PLCG2: variants seen among roughly 807,000 people sequenced by gnomAD.
PLCG2 encodes 1-phosphatidylinositol 4,5-bisphosphate phosphodiesterase gamma-2.
In PLCG2, 69 loss-of-function variants were observed where a neutral mutation model predicts 175.6. The ratio of observed to expected loss-of-function variants is 0.39; its 90% CI spans 0.32 to 0.48. PLCG2 has a LOEUF of 0.48. Ranked by LOEUF, PLCG2 falls within the 20% of genes least tolerant of loss-of-function variation. The pLI, the probability that PLCG2 is intolerant of heterozygous loss-of-function variation, is 0.91. For synonymous variants in PLCG2, 827 were observed against 624.0 expected (o/e 1.33, Z -4.85); for missense variants, 1,798 against 1,650.9 (o/e 1.09, Z -1.54).
intron 2 of PLCG2, among the ~76,000 whole-genome samples, chr16:81,835,209 G>A (rs1405508985): frequency 5.9e-5 from 9 of 152,192 alleles, no homozygotes; most frequent in Non-Finnish European, 1.0e-4. Flanking sequence ...CTCCTCTGTC[G>A]TAGGGTGGCT....
intron 2 of PLCG2, among the ~76,000 whole-genome samples, chr16:81,761,648 T>C (rs1262398795): frequency 1.3e-5 from 2 of 152,138 alleles, no homozygotes; most frequent in Non-Finnish European, 2.9e-5. Flanking sequence ...GGGCTGAGGA[T>C]GGGATGAGTT....
At chr16:81,951,131 T>G (rs1911349231) in intron 31 of PLCG2, among the ~76,000 whole-genome samples, 1 of 151,752 alleles carries the variant, frequency 6.6e-6, no homozygotes, top group Non-Finnish European at 1.5e-5. Context: ...TATGCCACCA[T>G]GCCTGGCTAA....
chr16:81,823,836 TTTC>T (rs905631095), intron 2 of PLCG2, among the ~76,000 whole-genome samples: 26 of 151,858 alleles, frequency 1.7e-4, no homozygotes, highest in African/African-American at 6.3e-4. Context: ...AGACAATTCT[TTTC>T]TTTTCTTTTT....
chr16:81,815,395 A>G (rs1412468028), intron 2 of PLCG2, among the ~76,000 whole-genome samples: 1 of 152,212 alleles, frequency 6.6e-6, no homozygotes, highest in East Asian at 1.9e-4. Flanking sequence ...AGGTGAAGAT[A>G]CAGTCTTAGA....
At chr16:81,791,850 C>A (rs1362986211) in intron 2 of PLCG2, among the ~76,000 whole-genome samples, 2 of 152,156 alleles carry the variant, frequency 1.3e-5, no homozygotes, top group Non-Finnish European at 2.9e-5. Context: ...CAGGCATGAA[C>A]CACTGCACCC....
chr16:81,755,650 C>T (rs950538878), intron 1 of PLCG2, among the ~76,000 whole-genome samples: 7 of 152,000 alleles, frequency 4.6e-5, no homozygotes, highest in African/African-American at 1.5e-4. Context: ...CTCAGCGTCC[C>T]GAGTAGCTGG....
intron 26 of PLCG2, chr16:81,935,768 A>T: frequency 1.0e-6 from 1 of 985,250 alleles, no homozygotes; most frequent in Non-Finnish European, 1.2e-6. Flanking sequence ...TTGGCAGGTG[A>T]TTCTCAGTTT....
At chr16:81,856,828 C>G (rs1163403253) in intron 3 of PLCG2, among the ~76,000 whole-genome samples, 1 of 152,126 alleles carries the variant, frequency 6.6e-6, no homozygotes, top group East Asian at 1.9e-4. Context: ...CCTGGACTAT[C>G]TGGGTGTCTA....
intron 2 of PLCG2, among the ~76,000 whole-genome samples, chr16:81,819,878 C>A (rs1261449635): frequency 6.6e-6 from 1 of 152,358 alleles, no homozygotes; most frequent in East Asian, 1.9e-4. Flanking sequence ...GCCACTGTGC[C>A]TAGCCCTAGC....
chr16:81,777,327 A>G (rs1910434828), upstream of PLCG2, among the ~76,000 whole-genome samples: 1 of 152,112 alleles, frequency 6.6e-6, no homozygotes, highest in African/African-American at 2.4e-5. Context: ...ACTTTGTAAT[A>G]ATAAATTATA....
At chr16:81,838,218 C>A (rs1212147761) in intron 2 of PLCG2, among the ~76,000 whole-genome samples, 1 of 151,988 alleles carries the variant, frequency 6.6e-6, no homozygotes, top group Non-Finnish European at 1.5e-5. Flanking sequence ...TCCCAAGCAC[C>A]TGGGACTGTA....
rs1026965107 is a variant in PLCG2, at chr16:81,855,794, G to A, written c.337+1207G>A. Among the ~76,000 whole-genome samples the A allele has an allele frequency of 3.9e-5, 6 of 152,180 alleles. No individual in the cohort carries two copies. The East Asian group carries it at 9.6e-4, about 24-fold the overall frequency. ...GGAAAGAGAGGGAGGGTGCTCCAGGGAAAGGCTGTGGTGTGTGCCAGGGCT... is the reference window on the plus strand; with the variant it reads ...GGAAAGAGAGGGAGGGTGCTCCAGGAAAAGGCTGTGGTGTGTGCCAGGGCT... On this transcript the variant is annotated intron_variant, in intron 3 of 32. Transcript: ENST00000564138.
chr16:81,750,433 A>AC (rs1555561158), intron 1 of PLCG2, among the ~76,000 whole-genome samples: 2 of 151,214 alleles, frequency 1.3e-5, no homozygotes, highest in Admixed American at 1.3e-4. Context: ...AAAAAAAAAA[A>AC]AAAAAAAAAT....
intron 2 of PLCG2, among the ~76,000 whole-genome samples, chr16:81,851,060 G>A (rs1291777980): frequency 2.0e-5 from 3 of 152,158 alleles, no homozygotes; most frequent in Non-Finnish European, 4.4e-5. Flanking sequence ...GACGGGGGAT[G>A]AGTCCTTTCT....
chr16:81,803,113 CTTTT>C (rs762278218), intron 2 of PLCG2, among the ~76,000 whole-genome samples: 3 of 131,392 alleles, frequency 2.3e-5, no homozygotes, highest in Middle Eastern at 4.0e-3. Context: ...TTGCATTTCA[CTTTT>C]TTTTTTTTTT....
intron 2 of PLCG2, among the ~76,000 whole-genome samples, chr16:81,816,681 T>A (rs1371130957): frequency 1.5e-5 from 2 of 136,192 alleles, no homozygotes; most frequent in South Asian, 2.3e-4. Context: ...TTTTTTTTTT[T>A]AGTAGAGGTG....
chr16:81,867,951 A>T (rs1421014124), intron 5 of PLCG2, among the ~76,000 whole-genome samples: 1 of 152,098 alleles, frequency 6.6e-6, no homozygotes, highest in African/African-American at 2.4e-5. Flanking sequence ...CGCCCGCCTC[A>T]GCCTCCCAAA....
intron 2 of PLCG2, among the ~76,000 whole-genome samples, chr16:81,791,946 C>T (rs957295032): frequency 2.0e-4 from 31 of 152,290 alleles, no homozygotes; most frequent in African/African-American, 6.3e-4. Context: ...AGGCTTCTTA[C>T]GACAGCCTCA....
chr16:81,905,931 A>G (rs1052722049), intron 15 of PLCG2, among the ~76,000 whole-genome samples: 3 of 152,206 alleles, frequency 2.0e-5, no homozygotes, highest in Middle Eastern at 3.2e-3. Context: ...AAGTGCTGAG[A>G]TTATAGGCGT....
Sources: gnomAD v4.1 joint callset for allele counts (sites outside exome capture counted in the v4.1 genomes callset) on GRCh38, gnomAD v4.1.1 for gene constraint, MANE v1.5 for transcripts, NCBI Gene and HGNC (gene_info 2026-07-23, HGNC 2026-07-21) for gene names.